SYMPK: variants seen among roughly 807,000 people sequenced by gnomAD.
The protein encoded by SYMPK is symplekin scaffold protein.
A neutral mutation model predicts 136.4 loss-of-function variants in SYMPK; 49 were observed. That is an observed-to-expected ratio of 0.36 (90% CI 0.29 to 0.46). The LOEUF is 0.46. Ranked by LOEUF, SYMPK falls within the 20% of genes least tolerant of loss-of-function variation. The pLI, the probability that SYMPK is intolerant of heterozygous loss-of-function variation, is 1.00. For synonymous variants in SYMPK, 766 were observed against 713.0 expected (o/e 1.07, Z -1.19); for missense variants, 1,365 against 1,690.0 (o/e 0.81, Z 3.37).
In SYMPK at chr19:45,818,105, C is replaced by T; in HGVS notation, c.2935G>A (p.Glu979Lys). The change falls in exon 23 of 27, where the codon GAG (glutamate) becomes AAG (lysine). Residue 979 changes from glutamate to lysine, a missense_variant. Coordinates refer to ENST00000245934, the MANE Select transcript of SYMPK (RefSeq NM_004819.3). ...CFAERNVYTS[E>K]VLAVVMQQLM... ...TGCTGCATCACCACGGCCAGCACCT[C>T]TGACGTGTACACGTTCCGCTCCGCA... is the stretch of plus-strand genomic sequence containing the variant. 6.4e-7 allele frequency: 1 copy of T among 1,556,232 alleles called. No homozygotes were observed. Among genetic ancestry groups the T allele is most frequent in the Non-Finnish European group, 8.7e-7 (1 of 1,149,808 alleles).
intron 22 of SYMPK, chr19:45,820,778 A>C: frequency 4.2e-6 from 1 of 235,752 alleles, no homozygotes; most frequent in Non-Finnish European, 8.1e-6. Context: ...GCCCTGAGTA[A>C]GTCACCTAAC....
At chr19:45,815,721 C>A (rs374312023) in intron 26 of SYMPK, 24 bp from the exon 27 acceptor site, 1 of 1,606,104 alleles carries the variant, frequency 6.2e-7, no homozygotes, top group South Asian at 1.1e-5. Context: ...AAGGAAAGGG[C>A]AGCCGGGTGG....
At chr19:45,818,206 A>G (rs1041012538) in intron 22 of SYMPK, 60 bp from the exon 23 acceptor site, 117 of 1,457,956 alleles carry the variant, frequency 8.0e-5, no homozygotes, top group Middle Eastern at 5.7e-4. Context: ...GGGAGGTGGG[A>G]GTCCCGGCCT....
intron 1 of SYMPK, among the ~76,000 whole-genome samples, chr19:45,857,839 C>T (rs565247656): frequency 8.1e-5 from 12 of 147,274 alleles, no homozygotes; most frequent in Non-Finnish European, 1.2e-4. Context: ...ACTCTTGTTT[C>T]CCAGGCTGGA....
rs1255733082 is a variant in SYMPK, at chr19:45,826,375, TGAG to T, written c.2182-5_2182-3del. The T allele has an allele frequency of 1.2e-6, 2 of 1,613,950 alleles. No individual in the cohort carries two copies. The highest frequency in any genetic ancestry group is 8.5e-7 in the Non-Finnish European group (1 of 1,179,980). The stretch of plus-strand genomic sequence containing the variant: ...GAACAGCAGGGCCTGGGAGCGCACC[TGAG>T]GAGGAAGATGGAGAAGGGCAGGGTC... On this transcript the variant is annotated splice_region_variant and splice_polypyrimidine_tract_variant and intron_variant, in intron 16 of 26. Coordinates refer to ENST00000245934, the MANE Select transcript of SYMPK (RefSeq NM_004819.3).
chr19:45,861,505 C>CGGA (rs1555798237), intron 1 of SYMPK, among the ~76,000 whole-genome samples: 2 of 152,164 alleles, frequency 1.3e-5, no homozygotes, highest in Non-Finnish European at 2.9e-5. Flanking sequence ...CTTCGGGAGG[C>CGGA]GGAGGCAGGT....
intron 14 of SYMPK, 88 bp downstream of exon 14, chr19:45,828,882 G>C: frequency 2.3e-6 from 3 of 1,319,110 alleles, no homozygotes; most frequent in Non-Finnish European, 3.2e-6. Context: ...GGGTGACGAA[G>C]AGGGAGGTGG....
intron 17 of SYMPK, 23 bp downstream of exon 17, chr19:45,826,203 G>T (rs765285651): frequency 6.2e-7 from 1 of 1,603,806 alleles, no homozygotes; most frequent in Middle Eastern, 1.7e-4. Flanking sequence ...CGCTCAGTAT[G>T]CATCTGATGA....
At chr19:45,857,780 C>T (rs763789350) in intron 1 of SYMPK, among the ~76,000 whole-genome samples, 33 of 148,992 alleles carry the variant, frequency 2.2e-4, no homozygotes, top group East Asian at 8.2e-4. Context: ...CGTGAGCCAC[C>T]GCAACCAGCC....
At position 45,854,436 on chromosome 19, in the gene SYMPK, A is replaced by C. The variant is rs763957294; in HGVS notation, c.60T>G (p.Thr20=). ...TRRSVASQFF[T]QEEGPGIDGM... is the part of the protein sequence containing the mutation. The stretch of plus-strand genomic sequence containing the variant: ...CATCGATGCCCGGCCCCTCCTCTTG[A>C]GTGAAAAACTGTGATGCCACGCTCC... Residue 20 remains threonine (T), a synonymous_variant, in exon 2 of 27, where the codon ACT becomes ACG. Coordinates refer to ENST00000245934, the MANE Select transcript of SYMPK (RefSeq NM_004819.3). 2 of 1,613,938 alleles carry C rather than the reference A, an allele frequency of 1.2e-6. No homozygotes were observed. The highest frequency in any genetic ancestry group is 1.7e-6 in the Non-Finnish European group (2 of 1,180,008).
In SYMPK at chr19:45,846,292, G is replaced by C. The variant is rs138995010; in HGVS notation, c.676+1460C>G. On this transcript the variant is annotated intron_variant, in intron 7 of 26. Coordinates refer to ENST00000245934, the MANE Select transcript of SYMPK (RefSeq NM_004819.3). ...ACCATCAACAGAGCATTGCTTAATA[G>C]AATGTAATGTAACTATACTATGGAA... is the stretch of plus-strand genomic sequence containing the variant. 4.5e-3 allele frequency among the ~76,000 whole-genome samples: 687 copies of C among 152,322 alleles called. 28 individuals are homozygous for C. Among genetic ancestry groups the C allele is most frequent in the Admixed American group, 0.041 (630 of 15,298 alleles).
At chr19:45,835,840 C>T (rs1251706392) in intron 10 of SYMPK, among the ~76,000 whole-genome samples, 4 of 151,600 alleles carry the variant, frequency 2.6e-5, no homozygotes, top group Non-Finnish European at 2.9e-5. Flanking sequence ...TGAATCCAGG[C>T]GGCAGCAGTT....
intron 18 of SYMPK, among the ~76,000 whole-genome samples, chr19:45,824,387 C>T (rs907673526): frequency 1.1e-4 from 16 of 152,132 alleles, no homozygotes; most frequent in African/African-American, 3.6e-4. Context: ...TCTCTGCCCT[C>T]GAGAAGCTCA....
At chr19:45,819,618 G>A (rs1017067656) in intron 22 of SYMPK, 2 of 152,378 alleles carry the variant, frequency 1.3e-5, no homozygotes, top group Admixed American at 6.5e-5. Context: ...TACTGGCCAG[G>A]GACTTCTTGT....
intron 11 of SYMPK, among the ~76,000 whole-genome samples, chr19:45,832,040 C>T (rs747177300): frequency 3.9e-5 from 6 of 152,082 alleles, no homozygotes; most frequent in African/African-American, 7.2e-5. Context: ...ATGAGGTCTC[C>T]ATATGTTGCC....
chr19:45,823,901 G>C (rs761258527), intron 18 of SYMPK, 26 bp from the exon 19 acceptor site: 1 of 1,597,422 alleles, frequency 6.3e-7, no homozygotes, highest in South Asian at 1.1e-5. Flanking sequence ...GGGATGACCA[G>C]ACCCAGGGTG....
At chr19:45,853,968 C>CT (rs1251713440) in intron 3 of SYMPK, among the ~76,000 whole-genome samples, 1 of 152,228 alleles carries the variant, frequency 6.6e-6, no homozygotes, top group African/African-American at 2.4e-5. Flanking sequence ...CCGGGGTCTG[C>CT]TTCTTTCTGT....
Position 45,851,342 on chromosome 19 carries a change from A to G in SYMPK, c.299+970T>C, listed in dbSNP as rs560602607. 8.5e-5 allele frequency among the ~76,000 whole-genome samples: 13 copies of G among 152,208 alleles called. No homozygotes were observed. In the South Asian group the frequency reaches 2.7e-3, roughly 32 times the overall value. ...TGTAATCCCCGCACTTTGGGAGGCC[A>G]AGGTGGGCCAATCACTTGAGGTCAG... On this transcript the variant is annotated intron_variant, in intron 5 of 26. Transcript: ENST00000245934.
intron 2 of SYMPK, 51 bp from the exon 3 acceptor site, chr19:45,854,291 T>G (rs762114660): frequency 5.0e-6 from 8 of 1,608,338 alleles, no homozygotes; most frequent in Non-Finnish European, 6.0e-6. Flanking sequence ...TCCAGCCCAG[T>G]GCAGCCCCCT....
Sources: allele counts gnomAD v4.1 joint callset (sites outside exome capture counted in the v4.1 genomes callset), GRCh38; gene constraint gnomAD v4.1.1; transcripts MANE v1.5; gene names NCBI Gene and HGNC (gene_info 2026-07-23, HGNC 2026-07-21).